Variants in RGS5 observed in about 807,000 individuals in gnomAD.
The protein encoded by RGS5 is regulator of G-protein signalling 5.
RGS5 carries 20 observed loss-of-function variants against 18.9 expected under a neutral mutation model. The ratio of observed to expected loss-of-function variants is 1.06; its 90% confidence interval spans 0.74 to 1.54. The LOEUF (loss-of-function observed/expected upper bound fraction) is 1.54. Among genes scored for constraint, RGS5 ranks in the 40% most tolerant of loss-of-function variants. The probability of loss-of-function intolerance (pLI) is 0.00; values close to 1 mark genes in which losing one functional copy is unlikely to be tolerated. For synonymous variants in RGS5, 57 were observed against 76.2 expected, an observed-to-expected ratio of 0.75 and a Z score of 1.31; for missense variants, 201 against 211.8, an observed-to-expected ratio of 0.95 and a Z score of 0.32.
At chr1:163,306,116 T>A (rs1447438347) in intron 2 of RGS5, 1 of 152,330 alleles carries the variant, frequency 6.6e-6, no homozygotes, top group Non-Finnish European at 1.5e-5. Context: ...TATTCCGTTA[T>A]TCTCATTTCA....
chr1:163,266,280 T>C (rs529979942), intron 2 of RGS5, among the ~76,000 whole-genome samples: 1 of 152,310 alleles, frequency 6.6e-6, no homozygotes, highest in South Asian at 2.1e-4. Flanking sequence ...ATGTTCTCTG[T>C]TTAATATGTC....
At chr1:163,287,483 C>G (rs1649174476) in intron 2 of RGS5, among the ~76,000 whole-genome samples, 1 of 152,218 alleles carries the variant, frequency 6.6e-6, no homozygotes, top group Non-Finnish European at 1.5e-5. Context: ...AATTTATACA[C>G]TGGCAGATGT....
At chr1:163,175,798 TG>T (rs1233227567) in intron 1 of RGS5, among the ~76,000 whole-genome samples, 1 of 152,196 alleles carries the variant, frequency 6.6e-6, no homozygotes, top group African/African-American at 2.4e-5. Context: ...ATATGATACA[TG>T]ATGGAAAATG....
At chr1:163,256,280 A>C (rs996230806) in intron 2 of RGS5, among the ~76,000 whole-genome samples, 4 of 151,774 alleles carry the variant, frequency 2.6e-5, no homozygotes, top group Admixed American at 6.6e-5. Flanking sequence ...ATACAAAATC[A>C]ATGTACAAAA....
intron 2 of RGS5, among the ~76,000 whole-genome samples, chr1:163,282,043 GCGCGCA>G (rs1557929876): frequency 2.2e-5 from 3 of 138,560 alleles, no homozygotes; most frequent in South Asian, 2.5e-4. Context: ...AAGTGCACGC[GCGCGCA>G]CACACACACA....
chr1:163,165,636 T>A (rs1047281949), intron 2 of RGS5, among the ~76,000 whole-genome samples: 1 of 152,170 alleles, frequency 6.6e-6, no homozygotes, highest in Non-Finnish European at 1.5e-5. Context: ...CTGGGCGTGG[T>A]GGCTCACGCC....
chr1:163,251,384 A>C (rs1204471435), intron 2 of RGS5, among the ~76,000 whole-genome samples: 2 of 152,198 alleles, frequency 1.3e-5, no homozygotes, highest in African/African-American at 4.8e-5. Flanking sequence ...TAATAAAGCC[A>C]CAGTGAAGAA....
chr1:163,180,239 G>A (rs1003134506), intron 1 of RGS5, among the ~76,000 whole-genome samples: 1 of 152,176 alleles, frequency 6.6e-6, no homozygotes, highest in African/African-American at 2.4e-5. Flanking sequence ...GCCTCCTCAA[G>A]TGCTGGAATT....
At chr1:163,233,629 A>C (rs1257145823) in intron 2 of RGS5, among the ~76,000 whole-genome samples, 1 of 152,178 alleles carries the variant, frequency 6.6e-6, no homozygotes, top group East Asian at 1.9e-4. Context: ...GAGTCAGCAA[A>C]GGGTAGTGGG....
intron 4 of RGS5, among the ~76,000 whole-genome samples, chr1:163,150,175 T>C (rs1162140932): frequency 6.6e-6 from 1 of 151,996 alleles, no homozygotes; most frequent in Non-Finnish European, 1.5e-5. Context: ...TGCATAAGCA[T>C]AGATCATTTA....
chr1:163,226,952 T>A (rs1464966685), intron 2 of RGS5, among the ~76,000 whole-genome samples: 4 of 152,170 alleles, frequency 2.6e-5, no homozygotes, highest in African/African-American at 9.7e-5. Flanking sequence ...TATAACAAAA[T>A]AAGAGGAGTG....
At chr1:163,153,515 C>T (rs943201556) in intron 3 of RGS5, among the ~76,000 whole-genome samples, 3 of 152,094 alleles carry the variant, frequency 2.0e-5, no homozygotes, top group Non-Finnish European at 4.4e-5. Context: ...ATCAATTATA[C>T]ATCAGGTTTC....
chr1:163,219,268 T>C (rs115997968), upstream of RGS5, among the ~76,000 whole-genome samples: 353 of 152,252 alleles, frequency 2.3e-3, 1 homozygote, highest in African/African-American at 8.3e-3. Context: ...CTTTGTCCTA[T>C]TCCCGTAGTA....
chr1:163,206,522 T>G (rs1169623886), upstream of RGS5, among the ~76,000 whole-genome samples: 6 of 152,172 alleles, frequency 3.9e-5, no homozygotes, highest in Non-Finnish European at 7.3e-5. Context: ...TCTGAACGTT[T>G]CCCTCAAAAT....
At chr1:163,290,176 C>T (rs2101724751) in intron 2 of RGS5, among the ~76,000 whole-genome samples, 1 of 152,288 alleles carries the variant, frequency 6.6e-6, no homozygotes, top group East Asian at 1.9e-4. Context: ...TCAGGCTCCT[C>T]TATAAAACCC....
chr1:163,263,870 T>C (rs1024092252), intron 2 of RGS5, among the ~76,000 whole-genome samples: 1 of 151,290 alleles, frequency 6.6e-6, no homozygotes, highest in African/African-American at 2.4e-5. Flanking sequence ...AGATGCTCCA[T>C]GCCTTATTTC....
chr1:163,306,545 G>A (rs1016168303), intron 1 of RGS5, among the ~76,000 whole-genome samples: 2 of 152,148 alleles, frequency 1.3e-5, no homozygotes, highest in Non-Finnish European at 2.9e-5. Context: ...ATGATGCTGT[G>A]AGCCATGTTT....
chr1:163,151,410 G>A (rs1244372224), intron 4 of RGS5, among the ~76,000 whole-genome samples: 2 of 152,130 alleles, frequency 1.3e-5, no homozygotes, highest in African/African-American at 2.4e-5. Context: ...ACAAAGAAAA[G>A]TTATAGAAAT....
chr1:163,198,454 A>G (rs1325061858), intron 1 of RGS5, among the ~76,000 whole-genome samples: 1 of 152,140 alleles, frequency 6.6e-6, no homozygotes, highest in Non-Finnish European at 1.5e-5. Context: ...GATTTTTGAG[A>G]CTATTGCTCA....
Sources: gnomAD v4.1 joint callset for allele counts (sites outside exome capture counted in the v4.1 genomes callset) on GRCh38, gnomAD v4.1.1 for gene constraint, MANE v1.5 for transcripts, NCBI Gene and HGNC (gene_info 2026-07-23, HGNC 2026-07-21) for gene names.